Variants in CWF19L2 observed in about 807,000 individuals in gnomAD.
The protein encoded by CWF19L2 is CWF19-like protein 2.
A neutral mutation model predicts 111.7 loss-of-function variants in CWF19L2; 98 were observed. The observed-to-expected ratio is 0.88, with a 90% CI of 0.75 to 1.04. The LOEUF (loss-of-function observed/expected upper bound fraction) is 1.04. Among genes scored for constraint, CWF19L2 ranks in the 50% least tolerant of loss-of-function variants. The probability of loss-of-function intolerance (pLI) is 0.00; values close to 1 mark genes in which losing one functional copy is unlikely to be tolerated. For synonymous variants in CWF19L2, 351 were observed against 342.9 expected, an observed-to-expected ratio of 1.02 and a Z score of -0.26; for missense variants, 1,101 against 1,051.4, an observed-to-expected ratio of 1.05 and a Z score of -0.65.
Position 107,360,619 on chromosome 11 carries a change from C to A in CWF19L2, c.1873-6883G>T, listed in dbSNP as rs181649222. On this transcript the variant is annotated intron_variant, in intron 12 of 17. Coordinates refer to ENST00000282251, the MANE Select transcript of CWF19L2 (RefSeq NM_152434.3). ...TCCCCACAACAGTGCATAAGAGCTC[C>A]CTTATCTCCACATCCTCACAAGCAT... is the stretch of plus-strand genomic sequence containing the variant. 1.2e-4 allele frequency among the ~76,000 whole-genome samples: 19 copies of A among 152,322 alleles called. 1 individual carries two copies. The South Asian group carries it at 2.9e-3, about 23-fold the overall frequency.
intron 12 of CWF19L2, among the ~76,000 whole-genome samples, chr11:107,363,354 A>T (rs1187688601): frequency 6.6e-6 from 1 of 152,114 alleles, no homozygotes; most frequent in Non-Finnish European, 1.5e-5. Context: ...GAAGAGCAAC[A>T]CCAGGACACA....
chr11:107,390,065 A>G lies in CWF19L2; in HGVS notation c.1872+9T>C, dbSNP rs371768972. The G allele has an allele frequency of 2.5e-5, 41 of 1,611,220 alleles. No individual in the cohort carries two copies. The East Asian group carries it at 4.9e-4, about 19-fold the overall frequency. On this transcript the variant is annotated intron_variant, in intron 12 of 17. Transcript: ENST00000282251. ...CAAAATTCAGAGGTATCCTAGGAAT[A>G]TATCTTACCTTAGATGCCATTCTCA...
intron 8 of CWF19L2, among the ~76,000 whole-genome samples, chr11:107,421,844 G>T (rs2135402336): frequency 6.6e-6 from 1 of 152,198 alleles, no homozygotes; most frequent in Admixed American, 6.5e-5. Flanking sequence ...TTTAGCTACT[G>T]CTCTCCTAGG....
At chr11:107,453,505 A>G (rs1200408883) in intron 3 of CWF19L2, among the ~76,000 whole-genome samples, 1 of 151,766 alleles carries the variant, frequency 6.6e-6, no homozygotes, top group East Asian at 1.9e-4. Context: ...ACCACTAAAG[A>G]GCCCTTAGGC....
chr11:107,358,408 G>A (rs1429163252), intron 12 of CWF19L2, among the ~76,000 whole-genome samples: 1 of 151,966 alleles, frequency 6.6e-6, no homozygotes, highest in Non-Finnish European at 1.5e-5. Context: ...ATTTGTGTTG[G>A]GGTGCATTCA....
In CWF19L2 at chr11:107,349,009, G is replaced by A. The variant is rs1039079504; in HGVS notation, c.2130C>T (p.His710=). ...GGTGCTGCAAAGGGACTATCAGGCAGTGCCCCTCAGTAAGAGACCGTACGT... is the reference window on the plus strand; with the variant it reads ...GGTGCTGCAAAGGGACTATCAGGCAATGCCCCTCAGTAAGAGACCGTACGT... ...LPNVRSLTEG[H]CLIVPLQHHR... Residue 710 remains histidine (H), a synonymous_variant, in exon 14 of 18, where the codon CAC becomes CAT. Coordinates refer to ENST00000282251, the MANE Select transcript of CWF19L2 (RefSeq NM_152434.3). 1.2e-6 allele frequency: 2 copies of A among 1,610,526 alleles called. No individual in the cohort carries two copies. Among genetic ancestry groups the A allele is most frequent in the Non-Finnish European group, 1.7e-6 (2 of 1,177,762 alleles).
intron 16 of CWF19L2, among the ~76,000 whole-genome samples, chr11:107,330,306 T>C (rs1452607276): frequency 6.6e-6 from 1 of 152,154 alleles, no homozygotes; most frequent in Non-Finnish European, 1.5e-5. Flanking sequence ...ATTATACTTT[T>C]AAAAATACAA....
intron 5 of CWF19L2, among the ~76,000 whole-genome samples, chr11:107,439,414 T>C (rs1861589108): frequency 6.6e-6 from 1 of 152,198 alleles, no homozygotes; most frequent in Admixed American, 6.5e-5. Context: ...GCAGAAGATT[T>C]AACTGTCAAA....
Position 107,355,092 on chromosome 11 carries a change from G to C in CWF19L2, c.1873-1356C>G, listed in dbSNP as rs1860215939. Reference sequence around the variant, plus strand: ...TACTAAGTGTAATGTAAATTACTTAGTGTAATGGAAGTATTAAAGTACTAA... The same window carrying C: ...TACTAAGTGTAATGTAAATTACTTACTGTAATGGAAGTATTAAAGTACTAA... On this transcript the variant is annotated intron_variant, in intron 12 of 17. Coordinates refer to ENST00000282251, the MANE Select transcript of CWF19L2 (RefSeq NM_152434.3). Among the ~76,000 whole-genome samples the C allele has an allele frequency of 1.3e-5, 2 of 152,052 alleles. 1 individual carries two copies. Among genetic ancestry groups the C allele is most frequent in the South Asian group, 4.1e-4 (2 of 4,826 alleles).
intron 9 of CWF19L2, among the ~76,000 whole-genome samples, chr11:107,416,548 T>G (rs373768690): frequency 6.6e-6 from 1 of 152,160 alleles, no homozygotes; most frequent in Non-Finnish European, 1.5e-5. Context: ...TTGGAAGAGA[T>G]AGATGAAGGA....
intron 3 of CWF19L2, among the ~76,000 whole-genome samples, chr11:107,452,568 T>C (rs527504786): frequency 6.6e-6 from 1 of 152,136 alleles, no homozygotes; most frequent in Non-Finnish European, 1.5e-5. Context: ...TTCAGCCTTT[T>C]CAACAAATGA....
At chr11:107,453,612 C>T (rs11212249) in intron 3 of CWF19L2, among the ~76,000 whole-genome samples, 3,984 of 151,762 alleles carry the variant, frequency 0.026, 188 homozygotes, top group African/African-American at 0.09. Flanking sequence ...ACATTCCCAG[C>T]TGTGGTGGCT....
chr11:107,333,346 A>G (rs1859877204), intron 16 of CWF19L2, among the ~76,000 whole-genome samples: 1 of 152,232 alleles, frequency 6.6e-6, no homozygotes, highest in Non-Finnish European at 1.5e-5. Flanking sequence ...CTTTTAAAAA[A>G]GAAACAAATA....
At chr11:107,353,487 A>T (rs759947345) in intron 13 of CWF19L2, 37 bp downstream of exon 13, 3 of 1,526,200 alleles carry the variant, frequency 2.0e-6, no homozygotes, top group African/African-American at 1.4e-5. Context: ...AAAAAGTTCT[A>T]TGAGAATGTA....
chr11:107,347,228 T>C (rs888465807), intron 14 of CWF19L2, among the ~76,000 whole-genome samples: 3 of 152,208 alleles, frequency 2.0e-5, no homozygotes, highest in African/African-American at 4.8e-5. Context: ...ATAGGAAGTC[T>C]AAAATTACAT....
intron 15 of CWF19L2, among the ~76,000 whole-genome samples, chr11:107,335,589 T>G (rs944895389): frequency 1.3e-5 from 2 of 152,172 alleles, no homozygotes; most frequent in African/African-American, 4.8e-5. Context: ...TAACTATAAT[T>G]TGTCAATTTG....
intron 14 of CWF19L2, among the ~76,000 whole-genome samples, chr11:107,348,027 C>G (rs1161640429): frequency 6.6e-6 from 1 of 152,054 alleles, no homozygotes; most frequent in Non-Finnish European, 1.5e-5. Context: ...TAGGAAAACG[C>G]AAACTTTCAC....
chr11:107,428,698 T>G, intron 8 of CWF19L2, 101 bp downstream of exon 8: 9 of 920,452 alleles, frequency 9.8e-6, no homozygotes, highest in African/African-American at 3.3e-5. Context: ...TTAAGAAATG[T>G]GAGATCATAG....
chr11:107,381,749 G>C (rs1235845587), intron 12 of CWF19L2, among the ~76,000 whole-genome samples: 1 of 152,008 alleles, frequency 6.6e-6, no homozygotes, highest in East Asian at 1.9e-4. Context: ...AAAAAGTAGA[G>C]GATTTCAAGT....
Sources: allele counts gnomAD v4.1 joint callset (sites outside exome capture counted in the v4.1 genomes callset), GRCh38; gene constraint gnomAD v4.1.1; transcripts MANE v1.5; gene names NCBI Gene and HGNC (gene_info 2026-07-23, HGNC 2026-07-21).